The following ABTB2 variants were observed in gnomAD, a reference collection of about 807,000 sequenced individuals.
ABTB2 encodes ankyrin repeat and BTB/POZ domain-containing protein 2.
ABTB2 carries 56 observed loss-of-function variants against 104.1 expected under a neutral mutation model. That is an observed-to-expected ratio of 0.54 (90% confidence interval 0.43 to 0.67). ABTB2 has a LOEUF of 0.67. Among genes scored for constraint, ABTB2 ranks in the 30% least tolerant of loss-of-function variants. ABTB2 has a pLI of 0.00. For missense variants in ABTB2, 1,279 were observed against 1,407.7 expected, an observed-to-expected ratio of 0.91 and a Z score of 1.46; for synonymous variants, 606 against 608.2, an observed-to-expected ratio of 1.00 and a Z score of 0.05.
At chr11:34,337,604 C>G (rs760442833) in intron 1 of ABTB2, among the ~76,000 whole-genome samples, 1 of 152,138 alleles carries the variant, frequency 6.6e-6, no homozygotes, top group Non-Finnish European at 1.5e-5. Flanking sequence ...TGGGTGACCT[C>G]GAGCAAGTCA....
At chr11:34,345,356 C>T (rs557994064) in intron 1 of ABTB2, among the ~76,000 whole-genome samples, 2 of 152,304 alleles carry the variant, frequency 1.3e-5, no homozygotes, top group South Asian at 2.1e-4. Context: ...CACTCTGCCT[C>T]ATTATCCACA....
At chr11:34,238,553 A>G (rs1853873733) in intron 1 of ABTB2, among the ~76,000 whole-genome samples, 1 of 152,158 alleles carries the variant, frequency 6.6e-6, no homozygotes, top group South Asian at 2.1e-4. Flanking sequence ...TGTGCATTTG[A>G]ACAAATACCA....
At chr11:34,269,978 T>C (rs1404703867) in intron 1 of ABTB2, among the ~76,000 whole-genome samples, 4 of 152,226 alleles carry the variant, frequency 2.6e-5, no homozygotes, top group African/African-American at 7.2e-5. Flanking sequence ...AAGTCAAATG[T>C]CCACTTAGCA....
intron 1 of ABTB2, among the ~76,000 whole-genome samples, chr11:34,229,121 G>GAGAAAA (rs1554984675): frequency 9.6e-6 from 1 of 103,778 alleles, no homozygotes; most frequent in Non-Finnish European, 1.9e-5. Context: ...CTCCGTCTTG[G>GAGAAAA]AAAAAAAAAA....
intron 1 of ABTB2, among the ~76,000 whole-genome samples, chr11:34,243,303 C>T (rs1184070490): frequency 6.6e-6 from 1 of 152,112 alleles, no homozygotes; most frequent in Non-Finnish European, 1.5e-5. Flanking sequence ...GATGGAGTCT[C>T]GCTCTGTCGC....
At chr11:34,343,004 CTG>C (rs1189765399) in intron 1 of ABTB2, among the ~76,000 whole-genome samples, 1 of 152,040 alleles carries the variant, frequency 6.6e-6, no homozygotes, top group African/African-American at 2.4e-5. Flanking sequence ...GAGTCTCACT[CTG>C]TCACCCAGGC....
chr11:34,162,543 T>C (rs746009555), intron 10 of ABTB2, 33 bp downstream of exon 10: 1 of 1,599,970 alleles, frequency 6.3e-7, no homozygotes, highest in South Asian at 1.1e-5. Flanking sequence ...TATGCATGCA[T>C]GGACATGGGT....
intron 1 of ABTB2, among the ~76,000 whole-genome samples, chr11:34,213,725 A>G (rs1025053978): frequency 6.6e-6 from 1 of 152,178 alleles, no homozygotes; most frequent in South Asian, 2.1e-4. Flanking sequence ...TCCTCTTTGC[A>G]AAAGAGTATA....
intron 1 of ABTB2, among the ~76,000 whole-genome samples, chr11:34,241,386 G>A (rs1245505623): frequency 1.3e-5 from 2 of 152,092 alleles, no homozygotes; most frequent in Non-Finnish European, 2.9e-5. Flanking sequence ...CAGTCCAAGG[G>A]TGCCCACCTC....
At chr11:34,229,813 TG>T (rs1406293193) in intron 1 of ABTB2, among the ~76,000 whole-genome samples, 1 of 152,040 alleles carries the variant, frequency 6.6e-6, no homozygotes, top group East Asian at 1.9e-4. Flanking sequence ...TGTTAAATAT[TG>T]TTCATATATT....
chr11:34,335,656 G>A, intron 1 of ABTB2: 1 of 1,426,494 alleles, frequency 7.0e-7, no homozygotes, highest in Non-Finnish European at 9.9e-7. Context: ...CACATATTGT[G>A]TCATCACAAA....
intron 1 of ABTB2, among the ~76,000 whole-genome samples, chr11:34,275,387 A>G (rs1241677573): frequency 1.3e-5 from 2 of 152,224 alleles, no homozygotes; most frequent in Non-Finnish European, 2.9e-5. Context: ...GCCCTGCTGT[A>G]GAAGCCACAC....
intron 3 of ABTB2, among the ~76,000 whole-genome samples, chr11:34,175,214 G>T (rs1489231114): frequency 6.6e-6 from 1 of 152,258 alleles, no homozygotes; most frequent in African/African-American, 2.4e-5. Context: ...TGAGGGCAAA[G>T]AATGCTTTTA....
intron 1 of ABTB2, among the ~76,000 whole-genome samples, chr11:34,206,446 T>C (rs1026155713): frequency 1.3e-4 from 20 of 152,174 alleles, no homozygotes; most frequent in African/African-American, 4.8e-4. Context: ...TTTGAGATAC[T>C]GGGCTACTGC....
intron 9 of ABTB2, 74 bp downstream of exon 9, chr11:34,164,612 C>T (rs937916134): frequency 1.6e-5 from 22 of 1,378,814 alleles, no homozygotes; most frequent in African/African-American, 6.1e-5. Context: ...TTGCTCCCAT[C>T]GGGGAAACTG....
intron 1 of ABTB2, among the ~76,000 whole-genome samples, chr11:34,275,992 T>C (rs906726417): frequency 3.3e-5 from 5 of 152,158 alleles, no homozygotes; most frequent in Non-Finnish European, 7.4e-5. Context: ...CACTGTCAAA[T>C]ACCTGAACAG....
intron 1 of ABTB2, among the ~76,000 whole-genome samples, chr11:34,346,957 G>T (rs967549658): frequency 6.6e-6 from 1 of 152,190 alleles, no homozygotes; most frequent in African/African-American, 2.4e-5. Context: ...AGTTGTAAAG[G>T]TTTCAATAAA....
At chr11:34,225,195 G>C (rs958732889) in intron 1 of ABTB2, among the ~76,000 whole-genome samples, 7 of 152,216 alleles carry the variant, frequency 4.6e-5, no homozygotes, top group African/African-American at 1.7e-4. Flanking sequence ...TGGCCGTCAG[G>C]GAGGGCAGAG....
intron 8 of ABTB2, 27 bp downstream of exon 8, chr11:34,165,233 C>G: frequency 6.5e-7 from 1 of 1,533,300 alleles, no homozygotes; most frequent in Non-Finnish European, 8.8e-7. Flanking sequence ...GAAGGGTAGA[C>G]AGAGCCTCCG....
Sources: allele counts gnomAD v4.1 joint callset (sites outside exome capture counted in the v4.1 genomes callset), GRCh38; gene constraint gnomAD v4.1.1; transcripts MANE v1.5; gene names NCBI Gene and HGNC (gene_info 2026-07-23, HGNC 2026-07-21).